ZNF727: variants seen among roughly 807,000 people sequenced by gnomAD.
ZNF727 encodes the protein zinc finger protein 727.
Under a neutral mutation model 11.5 loss-of-function variants are expected in ZNF727, and 11 were observed. The observed-to-expected ratio is 0.95, with a 90% CI of 0.60 to 1.58. The LOEUF (loss-of-function observed/expected upper bound fraction) is 1.58. Ranked by LOEUF, ZNF727 falls within the 40% of genes most tolerant of loss-of-function variation. The pLI is 0.00. For synonymous variants in ZNF727, 171 were observed against 196.1 expected, an observed-to-expected ratio of 0.87 and a Z score of 1.07; for missense variants, 533 against 581.7, an observed-to-expected ratio of 0.92 and a Z score of 0.86.
chr7:64,073,225 G>C (rs1356421532), intron 3 of ZNF727, among the ~76,000 whole-genome samples: 3 of 150,626 alleles, frequency 2.0e-5, no homozygotes, highest in Non-Finnish European at 2.9e-5. Flanking sequence ...CTTCTTCAAA[G>C]ACTGCTTTCA....
chr7:64,066,803 C>T lies in ZNF727; in HGVS notation c.4-2088C>T, dbSNP rs6948848. 2.0e-5 allele frequency among the ~76,000 whole-genome samples: 3 copies of T among 152,050 alleles called. 1 individual carries two copies. The highest frequency in any genetic ancestry group is 6.6e-5 in the Admixed American group (1 of 15,264). ...CAACAAAAGCCAAAATTGACAAATG[C>T]GATCTAATTAAACTAAAGAGCTTCT... On this transcript the variant is annotated intron_variant, in intron 1 of 3. Transcript: ENST00000456806.
rs1785750616 is a variant in ZNF727 at position 64,079,530 on chromosome 7, AT to A, written c.*984del. 6.6e-6 allele frequency among the ~76,000 whole-genome samples: 1 copy of A among 151,964 alleles called. No individual in the cohort carries two copies. Among genetic ancestry groups the A allele is most frequent in the African/African-American group, 2.4e-5 (1 of 41,370 alleles). On this transcript the variant is annotated 3_prime_UTR_variant, in exon 4 of 4. Coordinates refer to ENST00000456806, the MANE Select transcript of ZNF727 (RefSeq NM_001159522.3). The stretch of plus-strand genomic sequence containing the variant: ...AATCCTTGCTTTTTTACTGTTTTCT[AT>A]TTGCTTGGTAGACTTTTCCCTTTAT...
At chr7:64,056,312 TAAG>T (rs1227364582) in intron 1 of ZNF727, among the ~76,000 whole-genome samples, 3 of 152,196 alleles carry the variant, frequency 2.0e-5, no homozygotes, top group African/African-American at 7.2e-5. Flanking sequence ...GGCACTATTC[TAAG>T]AAGTGCTAAG....
At chr7:64,056,132 A>G (rs1008029365) in intron 1 of ZNF727, among the ~76,000 whole-genome samples, 6 of 152,120 alleles carry the variant, frequency 3.9e-5, no homozygotes, top group African/African-American at 1.2e-4. Context: ...ATTGATTTTT[A>G]TATTTATTTT....
At chr7:64,056,447 G>A (rs1392752623) in intron 1 of ZNF727, among the ~76,000 whole-genome samples, 1 of 152,084 alleles carries the variant, frequency 6.6e-6, no homozygotes, top group African/African-American at 2.4e-5. Flanking sequence ...TTTAAAAATG[G>A]CCTGAAACTT....
At chr7:64,064,102 C>G (rs1184809970) in intron 1 of ZNF727, among the ~76,000 whole-genome samples, 2 of 152,070 alleles carry the variant, frequency 1.3e-5, no homozygotes, top group Non-Finnish European at 2.9e-5. Context: ...ACCTCAGGAG[C>G]TATCTTGTTA....
At chr7:64,051,773 T>C (rs564920713) in intron 1 of ZNF727, among the ~76,000 whole-genome samples, 4 of 152,320 alleles carry the variant, frequency 2.6e-5, no homozygotes, top group Non-Finnish European at 5.9e-5. Flanking sequence ...TTAAAGTATG[T>C]ATTGTAAAAT....
intron 1 of ZNF727, among the ~76,000 whole-genome samples, chr7:64,052,282 A>T (rs1365948635): frequency 6.6e-6 from 1 of 152,072 alleles, no homozygotes; most frequent in African/African-American, 2.4e-5. Context: ...ACTGGTACAC[A>T]TCACTGAAAC....
intron 1 of ZNF727, among the ~76,000 whole-genome samples, chr7:64,057,586 G>A (rs190675203): frequency 1.3e-5 from 2 of 152,072 alleles, no homozygotes; most frequent in Admixed American, 6.6e-5. Flanking sequence ...GAAGAACAGC[G>A]AATGGGTGCT....
In ZNF727 at chr7:64,080,892, GT is replaced by G. The variant is rs145426066; in HGVS notation, c.*2354del. 9.0e-3 allele frequency among the ~76,000 whole-genome samples: 1,251 copies of G among 139,544 alleles called. 13 individuals carry two copies. The highest frequency in any genetic ancestry group is 0.027 in the African/African-American group (1,012 of 37,690). 91.5% of individuals were successfully genotyped at this position (139,544 alleles called of 152,430 possible). A position where few individuals can be genotyped will look rare whatever the true frequency, so the allele number is the denominator to read the frequency against. On this transcript the variant is annotated 3_prime_UTR_variant, in exon 4 of 4. Coordinates refer to ENST00000456806, the MANE Select transcript of ZNF727 (RefSeq NM_001159522.3). ...TTTTTGTTTTTTGTTTTTTGTTTTT[GT>G]TTTTTTTTTTGTGGTGGTGGAGGGG...
chr7:64,058,950 C>CTTTTTTTTTTTTTTTTTTTTT lies in ZNF727; in HGVS notation c.4-9929_4-9928insTTTTTTTTTTTTTTTTTTTTT, dbSNP rs560995822. Among the ~76,000 whole-genome samples, 30 of 145,388 alleles carry CTTTTTTTTTTTTTTTTTTTTT rather than the reference C, an allele frequency of 2.1e-4. No homozygotes were observed. The East Asian group carries it at 2.4e-3, about 12-fold the overall frequency. ...CTATTGCTTATGGCTATTGCATTGT[C>CTTTTTTTTTTTTTTTTTTTTT]TTTTTTTTTTTTGAGACGGAGTCTC... On this transcript the variant is annotated intron_variant, in intron 1 of 3. Transcript: ENST00000456806.
At chr7:64,061,287 A>G (rs999947672) in intron 1 of ZNF727, among the ~76,000 whole-genome samples, 5 of 152,098 alleles carry the variant, frequency 3.3e-5, no homozygotes, top group Non-Finnish European at 7.4e-5. Context: ...GTCTCTAGCT[A>G]TTATTGTATT....
intron 1 of ZNF727, among the ~76,000 whole-genome samples, chr7:64,066,717 A>C (rs2116308114): frequency 6.6e-6 from 1 of 152,354 alleles, no homozygotes; most frequent in Non-Finnish European, 1.5e-5. Flanking sequence ...AAACTGAGGC[A>C]GTACTATTCA....
intron 3 of ZNF727, among the ~76,000 whole-genome samples, chr7:64,075,676 A>C (rs557890714): frequency 6.6e-6 from 1 of 152,176 alleles, no homozygotes; most frequent in South Asian, 2.1e-4. Context: ...TGAGAGCTAA[A>C]TATTGGGTAT....
At chr7:64,053,146 C>G (rs532370305) in intron 1 of ZNF727, among the ~76,000 whole-genome samples, 2 of 151,992 alleles carry the variant, frequency 1.3e-5, no homozygotes, top group African/African-American at 4.8e-5. Flanking sequence ...AGGAAGGGTA[C>G]GGGGCAGAAT....
intron 1 of ZNF727, among the ~76,000 whole-genome samples, chr7:64,046,335 T>C (rs558658106): frequency 6.6e-6 from 1 of 152,310 alleles, no homozygotes; most frequent in South Asian, 2.1e-4. Context: ...GTAGCCTAAA[T>C]TGAGGCATCT....
chr7:64,069,457 A>C, intron 2 of ZNF727, 57 bp from the exon 3 acceptor site: 1 of 1,334,748 alleles, frequency 7.5e-7, no homozygotes, highest in East Asian at 2.5e-5. Flanking sequence ...GCATAGTACT[A>C]GATTGGTAAT....
At chr7:64,058,283 G>A (rs1789716982) in intron 1 of ZNF727, among the ~76,000 whole-genome samples, 1 of 152,098 alleles carries the variant, frequency 6.6e-6, no homozygotes, top group Non-Finnish European at 1.5e-5. Flanking sequence ...AGGAACTGAG[G>A]ACACATAGGA....
intron 1 of ZNF727, among the ~76,000 whole-genome samples, chr7:64,057,303 A>C (rs936056053): frequency 8.5e-5 from 13 of 152,340 alleles, no homozygotes; most frequent in African/African-American, 3.1e-4. Context: ...CATGGAATTA[A>C]CCCAAATGCC....
Sources: allele counts gnomAD v4.1 joint callset (sites outside exome capture counted in the v4.1 genomes callset), GRCh38; gene constraint gnomAD v4.1.1; transcripts MANE v1.5; gene names NCBI Gene and HGNC (gene_info 2026-07-23, HGNC 2026-07-21).